Variants in FOXJ2 observed in about 807,000 individuals in gnomAD.
FOXJ2 encodes forkhead box J2, also known as forkhead box protein J2.
FOXJ2 carries 18 observed loss-of-function variants against 68.4 expected under a neutral mutation model. The ratio of observed to expected loss-of-function variants is 0.26; its 90% CI spans 0.18 to 0.39. The LOEUF is 0.39. Among genes scored for constraint, FOXJ2 ranks in the 10% least tolerant of loss-of-function variants. FOXJ2 has a pLI of 1.00. For missense variants in FOXJ2, 670 were observed against 726.5 expected, an observed-to-expected ratio of 0.92 and a Z score of 0.89; for synonymous variants, 274 against 263.2, an observed-to-expected ratio of 1.04 and a Z score of -0.40.
chr12:8,036,454 C>T (rs1490376796), intron 1 of FOXJ2, among the ~76,000 whole-genome samples: 1 of 152,096 alleles, frequency 6.6e-6, no homozygotes, highest in East Asian at 1.9e-4. Flanking sequence ...TGGACCCTGC[C>T]CTTTGGCTGC....
chr12:8,036,365 T>C (rs1469403633), intron 1 of FOXJ2, among the ~76,000 whole-genome samples: 2 of 152,236 alleles, frequency 1.3e-5, no homozygotes, highest in African/African-American at 4.8e-5. Context: ...GGTCTTTCAC[T>C]CCGAGAATGT....
chr12:8,042,897 G>A (rs1356443690), intron 3 of FOXJ2, among the ~76,000 whole-genome samples, 165 bp downstream of exon 3: 1 of 151,954 alleles, frequency 6.6e-6, no homozygotes, highest in Non-Finnish European at 1.5e-5. Flanking sequence ...CAAGCTTATG[G>A]GCCCCCAGTA....
At position 8,047,853 on chromosome 12, in the gene FOXJ2, T is replaced by A. The variant is rs754934540; in HGVS notation, c.818-29T>A. The A allele has an allele frequency of 3.2e-6, 5 of 1,547,540 alleles. No individual in the cohort carries two copies. In the East Asian group the frequency reaches 1.1e-4, roughly 35 times the overall value. On this transcript the variant is annotated intron_variant, in intron 6 of 10. Transcript: ENST00000162391. ...TTTTGTGAAAAATGCATTGCTTAAGTCACTTGCCTGCTTCCTCCCCACCTG... is the reference window on the plus strand; with the variant it reads ...TTTTGTGAAAAATGCATTGCTTAAGACACTTGCCTGCTTCCTCCCCACCTG...
chr12:8,044,776 A>T lies in FOXJ2; in HGVS notation c.635A>T (p.Asp212Val). Residue 212 changes from aspartate (D) to valine (V), a missense_variant, in exon 6 of 11, where the codon GAT becomes GTT. Around this residue, in one of 2 missense-constraint regions of FOXJ2, gnomAD observed 555 missense variants for 562.2 expected, o/e 0.99. Transcript: ENST00000162391. ...ASYSQGTGSV[D>V]GGAVAAGASG... ...TTTTTGCAGGGCACAGGATCTGTGG[A>T]TGGTGGAGCAGTGGCAGCAGGGGCT... is the stretch of plus-strand genomic sequence containing the variant. 6.2e-7 allele frequency: 1 copy of T among 1,613,858 alleles called. No homozygotes were observed. The highest frequency in any genetic ancestry group is 8.5e-7 in the Non-Finnish European group (1 of 1,179,842).
chr12:8,043,859 A>G, intron 4 of FOXJ2, 90 bp downstream of exon 4: 1 of 1,601,490 alleles, frequency 6.2e-7, no homozygotes. Context: ...TCAGAGGCAA[A>G]GGTGGAAGGA....
chr12:8,042,158 G>A (rs762905189), intron 2 of FOXJ2, among the ~76,000 whole-genome samples: 1 of 152,252 alleles, frequency 6.6e-6, no homozygotes, highest in South Asian at 2.1e-4. Context: ...AATTATAGGC[G>A]TGAGCCACCA....
chr12:8,045,068 G>C, intron 6 of FOXJ2, 110 bp downstream of exon 6: 3 of 1,113,948 alleles, frequency 2.7e-6, no homozygotes, highest in South Asian at 3.1e-5. Context: ...TTGTGAGACA[G>C]GGTCTCACTC....
intron 8 of FOXJ2, 85 bp from the exon 9 acceptor site, chr12:8,049,277 G>A: frequency 2.0e-6 from 2 of 1,003,548 alleles, no homozygotes; most frequent in Non-Finnish European, 3.0e-6. Flanking sequence ...GATTGATGGT[G>A]TGTTTGGAAC....
rs949279677 is a variant in FOXJ2, at chr12:8,038,941, G to A, written c.-14-878G>A. Among the ~76,000 whole-genome samples, 6 of 152,150 alleles carry A rather than the reference G, an allele frequency of 3.9e-5. No individual in the cohort carries two copies. The highest frequency in any genetic ancestry group is 7.2e-5 in the African/African-American group (3 of 41,422). ...TTAGCCAGGCTATCTGATTGTTACCGGTAGGCACACAGCTGGGTGTCTCCC... is the reference window on the plus strand; with the variant it reads ...TTAGCCAGGCTATCTGATTGTTACCAGTAGGCACACAGCTGGGTGTCTCCC... On this transcript the variant is annotated intron_variant, in intron 1 of 10. Coordinates refer to ENST00000162391, the MANE Select transcript of FOXJ2 (RefSeq NM_018416.3). This position sits in a 1 kb window ranked among gnomAD's most constrained non-coding sequence, Gnocchi z 5.3.
At chr12:8,044,727 C>T in intron 5 of FOXJ2, 33 bp from the exon 6 acceptor site, 1 of 1,611,340 alleles carries the variant, frequency 6.2e-7, no homozygotes. Context: ...TCAGCTGGGA[C>T]ACTGATCAGG....
Position 8,052,843 on chromosome 12 carries a change from T to A in FOXJ2, c.1718T>A (p.Ile573Asn). The A allele has an allele frequency of 6.2e-7, 1 of 1,604,368 alleles. No homozygotes were observed. The highest frequency in any genetic ancestry group is 1.1e-5 in the South Asian group (1 of 89,648). ...CCTGATGACTTCGACTGGGACTTGATCACTTAGTGCATCACAGAGTGTGGA... is the reference window on the plus strand; with the variant it reads ...CCTGATGACTTCGACTGGGACTTGAACACTTAGTGCATCACAGAGTGTGGA... ...EIPDDFDWDL[I>N]T Residue 573 changes from isoleucine to asparagine, a missense_variant, in exon 11 of 11, where the codon ATC (isoleucine) becomes AAC (asparagine). Transcript: ENST00000162391.
Position 8,053,283 on chromosome 12 carries a change from T to A in FOXJ2, c.*433T>A. ...AATCCCACCTTTTGGCCCTAAATTG[T>A]TTTTTGTTCCCATCAGTTTCAGGCC... On this transcript the variant is annotated 3_prime_UTR_variant, in exon 11 of 11. Transcript: ENST00000162391. This position sits in a 1 kb window ranked among gnomAD's most constrained non-coding sequence, Gnocchi z 4.1. 6.6e-6 allele frequency: 1 copy of A among 152,598 alleles called. No individual in the cohort carries two copies. Among genetic ancestry groups the A allele is most frequent in the Non-Finnish European group, 1.5e-5 (1 of 68,044 alleles). 9.5% of individuals were successfully genotyped at this position (152,598 alleles called of 1,614,324 possible).
At chr12:8,046,599 G>C (rs754403854) in intron 6 of FOXJ2, among the ~76,000 whole-genome samples, 2 of 152,254 alleles carry the variant, frequency 1.3e-5, no homozygotes, top group South Asian at 4.1e-4. Context: ...TATCATATGA[G>C]AATGACTTAA....
Position 8,048,115 on chromosome 12 carries a change from C to G in FOXJ2, c.1051C>G (p.Gln351Glu). ...TDGCTPPGGKQAGAEGYGPPP... is the reference protein window; with the variant it reads ...TDGCTPPGGKEAGAEGYGPPP... ...TGGTTGTACCCCACCAGGGGGAAAG[C>G]AAGCTGGGGCGGAAGGCTATGGGCC... The change falls in exon 7 of 11, where the codon CAA becomes GAA. Residue 351 changes from glutamine (Q) to glutamate (E), a missense_variant. Transcript: ENST00000162391. The G allele has an allele frequency of 6.2e-7, 1 of 1,612,754 alleles. No homozygotes were observed. The highest frequency in any genetic ancestry group is 8.5e-7 in the Non-Finnish European group (1 of 1,179,250).
intron 3 of FOXJ2, 148 bp downstream of exon 3, chr12:8,042,880 T>C: frequency 1.4e-6 from 1 of 709,798 alleles, no homozygotes; most frequent in Non-Finnish European, 2.4e-6. Flanking sequence ...AGAGGAAGCT[T>C]GGTTGTCAAG....
Position 8,044,082 on chromosome 12 carries a change from C to A in FOXJ2, c.609C>A (p.Ser203Arg). 1 of 1,537,902 alleles carries A rather than the reference C, an allele frequency of 6.5e-7. No individual in the cohort carries two copies. Among genetic ancestry groups the A allele is most frequent in the Non-Finnish European group, 8.7e-7 (1 of 1,145,366 alleles). The change falls in exon 5 of 11, where the codon AGC becomes AGA. Residue 203 changes from serine (S) to arginine (R), a missense_variant. Ser to Arg is a moderately radical substitution (Grantham distance 110). Transcript: ENST00000162391. ...TTCAGAGCCCCACATCTATAGCCAG[C>A]TACAGCCAGGTAGGAAGCAGATATG... ...MSLQSPTSIA[S>R]YSQGTGSVDG...
At chr12:8,046,502 T>C (rs980174566) in intron 6 of FOXJ2, among the ~76,000 whole-genome samples, 1 of 152,246 alleles carries the variant, frequency 6.6e-6, no homozygotes, top group Non-Finnish European at 1.5e-5. Flanking sequence ...TTCTTCTAGT[T>C]ATCTACCATG....
chr12:8,034,006 A>G (rs1166689990), intron 1 of FOXJ2, among the ~76,000 whole-genome samples, 173 bp downstream of exon 1: 2 of 152,198 alleles, frequency 1.3e-5, no homozygotes, highest in African/African-American at 2.4e-5. Flanking sequence ...ATCTTGCTGC[A>G]GAAGCTCTGA....
intron 10 of FOXJ2, 26 bp downstream of exon 10, chr12:8,050,646 A>T (rs1394430498): frequency 1.2e-6 from 2 of 1,612,940 alleles, no homozygotes; most frequent in Admixed American, 3.3e-5. Context: ...CTTGTTTCAA[A>T]ACCGTTGTAC....
Sources: allele counts gnomAD v4.1 joint callset (sites outside exome capture counted in the v4.1 genomes callset), GRCh38; gene constraint gnomAD v4.1.1; regional missense constraint gnomAD v4.1.1; non-coding constraint Gnocchi (gnomAD v3.1); transcripts MANE v1.5; gene names NCBI Gene and HGNC (gene_info 2026-07-23, HGNC 2026-07-21).